The following ZNF486 variants were observed in gnomAD, a reference collection of about 807,000 sequenced individuals.
The protein encoded by ZNF486 is KRAB box only protein 2.
A neutral mutation model predicts 12.8 loss-of-function variants in ZNF486; 12 were observed. That is an observed-to-expected ratio of 0.94 (90% confidence interval 0.60 to 1.52). The LOEUF (loss-of-function observed/expected upper bound fraction) is 1.52. Among genes scored for constraint, ZNF486 ranks in the 40% most tolerant of loss-of-function variants. ZNF486 has a pLI of 0.00. For synonymous variants in ZNF486, 231 were observed against 184.9 expected (o/e 1.25, Z -2.02); for missense variants, 738 against 545.0 (o/e 1.35, Z -3.53).
intron 1 of ZNF486, among the ~76,000 whole-genome samples, chr19:20,172,678 CG>C (rs558346806): frequency 5.6e-4 from 82 of 146,446 alleles, no homozygotes; most frequent in African/African-American, 2.0e-3. Context: ...GAGATGGAGT[CG>C]CTTAGACTGG....
chr19:20,195,703 A>G (rs147525445), intron 3 of ZNF486, among the ~76,000 whole-genome samples: 27 of 152,312 alleles, frequency 1.8e-4, no homozygotes, highest in African/African-American at 6.3e-4. Context: ...TTTTTCAAAC[A>G]TGTTTTTAGG....
chr19:20,189,166 C>A (rs2089878746), intron 3 of ZNF486, among the ~76,000 whole-genome samples: 1 of 152,056 alleles, frequency 6.6e-6, no homozygotes, highest in South Asian at 2.1e-4. Flanking sequence ...CCTCTGCCTC[C>A]TGGGTTCAAG....
chr19:20,172,311 CTTT>C (rs34515323), intron 1 of ZNF486, among the ~76,000 whole-genome samples: 2 of 148,248 alleles, frequency 1.3e-5, no homozygotes, highest in Non-Finnish European at 3.0e-5. Flanking sequence ...CTTTTGCCTA[CTTT>C]TTTTTTTTGA....
chr19:20,191,309 A>ATGCCCAGCT (rs2089899662), intron 3 of ZNF486, among the ~76,000 whole-genome samples: 1 of 151,208 alleles, frequency 6.6e-6, no homozygotes, highest in Non-Finnish European at 1.5e-5. Context: ...GTCTCTACCA[A>ATGCCCAGCT]AAATACAAAA....
At position 20,185,987 on chromosome 19, in the gene ZNF486, G is replaced by T. The variant is rs374294810; in HGVS notation, c.158G>T (p.Gly53Val). 9 of 1,550,450 alleles carry T rather than the reference G, an allele frequency of 5.8e-6. No homozygotes were observed. The highest frequency in any genetic ancestry group is 3.8e-5 in the South Asian group (3 of 78,942). Residue 53 changes from glycine to valine, a missense_variant and splice_region_variant, in exon 3 of 4, where the codon GGT becomes GTT. Transcript: ENST00000335117. ...ATGCTATTTATTTTTAATGAAACAG[G>T]TATTATTGTCTCTAAGCCAGACCTG... ...LENYRHLVFL[G>V]IIVSKPDLIT...
intron 1 of ZNF486, 31 bp from the exon 2 acceptor site, chr19:20,184,323 TGG>T (rs2089818133): frequency 6.2e-7 from 1 of 1,608,848 alleles, no homozygotes; most frequent in African/African-American, 1.3e-5. Flanking sequence ...AACGGCGACT[TGG>T]TGAAAATGTG....
In ZNF486 at chr19:20,197,752, A is replaced by C; in HGVS notation, c.1042A>C (p.Lys348Gln). 6.2e-7 allele frequency: 1 copy of C among 1,613,896 alleles called. No individual in the cohort carries two copies. Among genetic ancestry groups the C allele is most frequent in the Non-Finnish European group, 8.5e-7 (1 of 1,179,944 alleles). ...ACATGAGAAGATTCATACGGGAGAG[A>C]AACCCTACAAATGTGAAGAATGTGG... Reference protein sequence around the residue: ...SKHEKIHTGEKPYKCEECGKA... With the variant: ...SKHEKIHTGEQPYKCEECGKA... Residue 348 changes from lysine (K) to glutamine (Q), a missense_variant, in exon 4 of 4, where the codon AAA (lysine) becomes CAA (glutamine). Coordinates refer to ENST00000335117, the MANE Select transcript of ZNF486 (RefSeq NM_052852.4).
chr19:20,180,676 C>G (rs914724851), intron 1 of ZNF486, among the ~76,000 whole-genome samples: 10 of 152,106 alleles, frequency 6.6e-5, no homozygotes, highest in East Asian at 1.9e-4. Context: ...TGGGTTCAAG[C>G]GATTCTCCTG....
intron 2 of ZNF486, among the ~76,000 whole-genome samples, chr19:20,185,136 C>T (rs2089828588): frequency 6.6e-6 from 1 of 152,040 alleles, no homozygotes; most frequent in Non-Finnish European, 1.5e-5. Context: ...TTTATTGAAT[C>T]TATAGATCAC....
chr19:20,186,150 C>A, intron 3 of ZNF486, 68 bp downstream of exon 3: 1 of 1,236,330 alleles, frequency 8.1e-7, no homozygotes, highest in Non-Finnish European at 1.1e-6. Flanking sequence ...AAAAGAAAGC[C>A]AGTCCTTAAA....
At chr19:20,167,470 C>G in intron 1 of ZNF486, 110 bp downstream of exon 1, 2 of 1,303,782 alleles carry the variant, frequency 1.5e-6, no homozygotes, top group South Asian at 2.7e-5. Context: ...TGCGTCCGGA[C>G]TTCTCCTTAC....
chr19:20,186,653 G>A (rs995222096), intron 3 of ZNF486, among the ~76,000 whole-genome samples: 7 of 151,922 alleles, frequency 4.6e-5, no homozygotes, highest in South Asian at 2.1e-4. Context: ...GTAACTTTTA[G>A]AAATGTATTT....
At chr19:20,185,204 T>C (rs1456559486) in intron 2 of ZNF486, among the ~76,000 whole-genome samples, 1 of 152,282 alleles carries the variant, frequency 6.6e-6, no homozygotes, top group East Asian at 1.9e-4. Context: ...AGATTTTTAT[T>C]GTAAAGATTT....
intron 1 of ZNF486, among the ~76,000 whole-genome samples, chr19:20,169,037 C>T (rs2089616433): frequency 6.6e-6 from 1 of 150,968 alleles, no homozygotes. Context: ...GACGGGGTTT[C>T]ACCATATTGG....
chr19:20,171,783 A>T (rs892099130), intron 1 of ZNF486, among the ~76,000 whole-genome samples: 2 of 152,040 alleles, frequency 1.3e-5, no homozygotes, highest in Non-Finnish European at 2.9e-5. Context: ...AAATTATGTC[A>T]TGGGGATTTG....
At chr19:20,182,485 ACT>A (rs1274534877) in intron 1 of ZNF486, among the ~76,000 whole-genome samples, 4 of 151,020 alleles carry the variant, frequency 2.6e-5, no homozygotes, top group Non-Finnish European at 5.9e-5. Flanking sequence ...GTCTCATGTG[ACT>A]CTAAGGTGAG....
At chr19:20,190,590 G>A (rs565023051) in intron 3 of ZNF486, among the ~76,000 whole-genome samples, 91 of 152,182 alleles carry the variant, frequency 6.0e-4, no homozygotes, top group Admixed American at 1.9e-3. Context: ...TCATTATGTT[G>A]TCCAGGCTGG....
intron 3 of ZNF486, among the ~76,000 whole-genome samples, chr19:20,193,972 A>G (rs2089932002): frequency 6.6e-6 from 1 of 152,182 alleles, no homozygotes. Flanking sequence ...TATATACTGA[A>G]ATTCTTCATC....
chr19:20,170,696 A>G (rs1358739912), intron 1 of ZNF486, among the ~76,000 whole-genome samples: 1 of 152,208 alleles, frequency 6.6e-6, no homozygotes, highest in African/African-American at 2.4e-5. Flanking sequence ...AGCACCATCT[A>G]AGTCATAATG....
Sources: gnomAD v4.1 joint callset for allele counts (sites outside exome capture counted in the v4.1 genomes callset) on GRCh38, gnomAD v4.1.1 for gene constraint, MANE v1.5 for transcripts, NCBI Gene and HGNC (gene_info 2026-07-23, HGNC 2026-07-21) for gene names.